Variants in FAM124A observed in about 807,000 individuals in gnomAD.
FAM124A encodes protein FAM124A.
FAM124A carries 23 observed loss-of-function variants against 24.5 expected under a neutral mutation model. The observed-to-expected ratio is 0.94, with a 90% CI of 0.68 to 1.33. The LOEUF (loss-of-function observed/expected upper bound fraction) is 1.33. Ranked by LOEUF, FAM124A falls within the 40% of genes most tolerant of loss-of-function variation. The pLI, the probability that FAM124A is intolerant of heterozygous loss-of-function variation, is 0.00. For synonymous variants in FAM124A, 287 were observed against 314.7 expected (o/e 0.91, Z 0.93); for missense variants, 623 against 722.8 (o/e 0.86, Z 1.58).
rs549984912 is a variant in FAM124A at position 51,225,770 on chromosome 13, G to A, written c.68+3201G>A. On this transcript the variant is annotated intron_variant, in intron 1 of 3. Coordinates refer to ENST00000322475, the MANE Select transcript of FAM124A (RefSeq NM_001242312.2). ...AGAGTGGCTCTAGAAGGCAGTAGAA[G>A]GTGAAGAAAAGGAGACAGGTGGATT... Among the ~76,000 whole-genome samples the A allele has an allele frequency of 5.3e-5, 8 of 152,202 alleles. No homozygotes were observed. In the South Asian group the frequency reaches 1.5e-3, roughly 28 times the overall value.
chr13:51,246,410 G>T (rs564549549), intron 2 of FAM124A, among the ~76,000 whole-genome samples: 2 of 140,472 alleles, frequency 1.4e-5, no homozygotes, highest in Non-Finnish European at 3.2e-5. Context: ...GGGGTGGGGG[G>T]GGGTGTAACT....
At position 51,272,075 on chromosome 13, in the gene FAM124A, G is replaced by A. The variant is rs897536827; in HGVS notation, c.835-8375G>A. 6.6e-6 allele frequency among the ~76,000 whole-genome samples: 1 copy of A among 152,224 alleles called. No individual in the cohort carries two copies. The highest frequency in any genetic ancestry group is 2.4e-5 in the African/African-American group (1 of 41,462). On this transcript the variant is annotated intron_variant, in intron 3 of 3. Transcript: ENST00000322475. The surrounding 1 kb of genome is among the most constrained non-coding windows in gnomAD (Gnocchi z 4.2). The stretch of plus-strand genomic sequence containing the variant: ...TAGTGATTGGAGTCTAGGCCAAAAA[G>A]CAAGAATAGTGATAAGTATCTCACA...
chr13:51,246,401 GGGT>G (rs201415013), intron 2 of FAM124A, among the ~76,000 whole-genome samples: 15,480 of 122,354 alleles, frequency 0.13, 1,677 homozygotes, highest in East Asian at 0.35. Context: ...GTTTCTCGTG[GGGT>G]GGGGGGGGGT....
chr13:51,240,292 A>G (rs1275347251), intron 2 of FAM124A, among the ~76,000 whole-genome samples: 1 of 152,196 alleles, frequency 6.6e-6, no homozygotes, highest in Admixed American at 6.5e-5. Context: ...ACATCACCTG[A>G]TTCGGGAAGG....
chr13:51,236,393 C>CA (rs1243431260), intron 2 of FAM124A, among the ~76,000 whole-genome samples: 1 of 152,228 alleles, frequency 6.6e-6, no homozygotes, highest in Non-Finnish European at 1.5e-5. Context: ...TTTAGTTTCT[C>CA]AGTCATTTCA....
intron 1 of FAM124A, among the ~76,000 whole-genome samples, chr13:51,228,104 C>A (rs951396470): frequency 2.0e-5 from 3 of 151,560 alleles, no homozygotes; most frequent in African/African-American, 7.3e-5. Context: ...TGCTCAATAG[C>A]TGATGTTTTA....
chr13:51,240,615 GTGA>G, intron 2 of FAM124A, among the ~76,000 whole-genome samples: 1 of 152,204 alleles, frequency 6.6e-6, no homozygotes, highest in Non-Finnish European at 1.5e-5. Flanking sequence ...ATGAGACAGT[GTGA>G]TGAAGGGCTC....
intron 2 of FAM124A, among the ~76,000 whole-genome samples, chr13:51,238,890 A>G (rs1954462816): frequency 6.6e-6 from 1 of 152,262 alleles, no homozygotes; most frequent in African/African-American, 2.4e-5. Context: ...TATATGACAC[A>G]GACAACTCCT....
chr13:51,251,886 C>A lies in FAM124A; in HGVS notation c.519C>A (p.Arg173=), dbSNP rs1452892404. Residue 173 remains arginine (R), a synonymous_variant, in exon 3 of 4, where the codon CGC becomes CGA. Coordinates refer to ENST00000322475, the MANE Select transcript of FAM124A (RefSeq NM_001242312.2). The surrounding 1 kb of genome is among the most constrained non-coding windows in gnomAD (Gnocchi z 5.3). ...TGCACTACGGCAAGGAAATCGTGCG[C>A]TTCACCGTCTACTGTCGCTACGACA... ...RPVHYGKEIV[R]FTVYCRYDNY... The A allele has an allele frequency of 6.2e-7, 1 of 1,614,070 alleles. No individual in the cohort carries two copies. The highest frequency in any genetic ancestry group is 8.5e-7 in the Non-Finnish European group (1 of 1,180,020).
At chr13:51,270,091 G>A (rs1424794980) in intron 3 of FAM124A, among the ~76,000 whole-genome samples, 1 of 152,122 alleles carries the variant, frequency 6.6e-6, no homozygotes, top group Non-Finnish European at 1.5e-5. Context: ...ATGGGGTTCT[G>A]GCCTGTCTCT....
chr13:51,283,660 A>G lies in FAM124A; in HGVS notation c.*2404A>G, dbSNP rs920822254. The G allele has an allele frequency of 6.6e-6, 1 of 151,868 alleles. No homozygotes were observed. Among genetic ancestry groups the G allele is most frequent in the Non-Finnish European group, 1.5e-5 (1 of 67,986 alleles). 9.4% of individuals were successfully genotyped at this position (151,868 alleles called of 1,614,324 possible). A position where few individuals can be genotyped will look rare whatever the true frequency, so the allele number is the denominator to read the frequency against. On this transcript the variant is annotated 3_prime_UTR_variant, in exon 4 of 4. Transcript: ENST00000322475. ...TGATTCAGTCAATAGCTGATGAGGA[A>G]AAGCAACCTGCAAACATTAGGAAGA...
intron 2 of FAM124A, among the ~76,000 whole-genome samples, chr13:51,234,968 C>CT (rs1954420711): frequency 1.3e-5 from 2 of 152,152 alleles, no homozygotes; most frequent in Admixed American, 1.3e-4. Context: ...GCATCGTCCT[C>CT]TTTTCCTCCA....
At chr13:51,253,685 A>G (rs1467445817) in intron 3 of FAM124A, 1 of 152,192 alleles carries the variant, frequency 6.6e-6, no homozygotes, top group Non-Finnish European at 1.5e-5. Flanking sequence ...GATCCTTCTA[A>G]TAAGATAAAT....
chr13:51,223,344 G>C (rs184680972), intron 1 of FAM124A, among the ~76,000 whole-genome samples: 7 of 152,216 alleles, frequency 4.6e-5, no homozygotes, highest in East Asian at 1.9e-4. Context: ...CGTTATAAAG[G>C]CTTCCAGGCA....
At chr13:51,235,484 A>G (rs1266168495) in intron 2 of FAM124A, among the ~76,000 whole-genome samples, 1 of 152,204 alleles carries the variant, frequency 6.6e-6, no homozygotes, top group Non-Finnish European at 1.5e-5. Flanking sequence ...ATACTTAGAG[A>G]ATTACTCTTA....
chr13:51,229,947 C>T (rs1379900525), intron 1 of FAM124A, among the ~76,000 whole-genome samples: 2 of 152,128 alleles, frequency 1.3e-5, no homozygotes, highest in African/African-American at 4.8e-5. Context: ...CCAGTCAATC[C>T]CTTCTGCCTT....
intron 2 of FAM124A, chr13:51,245,329 C>A: frequency 1.5e-6 from 1 of 684,786 alleles, no homozygotes; most frequent in South Asian, 1.6e-5. Context: ...CTCCACCTGG[C>A]GGATGCCATG....
At chr13:51,260,408 G>A (rs770906908) in intron 3 of FAM124A, among the ~76,000 whole-genome samples, 1 of 152,242 alleles carries the variant, frequency 6.6e-6, no homozygotes, top group African/African-American at 2.4e-5. Context: ...CTTGCTGCCA[G>A]AAGTGGTGAC....
At chr13:51,280,012 T>C (rs1251993973) in intron 3 of FAM124A, among the ~76,000 whole-genome samples, 1 of 152,172 alleles carries the variant, frequency 6.6e-6, no homozygotes, top group African/African-American at 2.4e-5. Context: ...TGTCCTCTCA[T>C]CAGTAACATT....
Sources: gnomAD v4.1 joint callset for allele counts (sites outside exome capture counted in the v4.1 genomes callset) on GRCh38, gnomAD v4.1.1 for gene constraint, Gnocchi (gnomAD v3.1) non-coding constraint, MANE v1.5 for transcripts, NCBI Gene and HGNC (gene_info 2026-07-23, HGNC 2026-07-21) for gene names.